PLXNA2: variants seen among roughly 807,000 people sequenced by gnomAD.
The protein encoded by PLXNA2 is plexin-A2.
Under a neutral mutation model 193.5 loss-of-function variants are expected in PLXNA2, and 91 were observed. The observed-to-expected ratio is 0.47, with a 90% confidence interval of 0.40 to 0.56. The LOEUF is 0.56. Ranked by LOEUF, PLXNA2 falls within the 20% of genes least tolerant of loss-of-function variation. The pLI is 0.00. For synonymous variants in PLXNA2, 997 were observed against 1,027.3 expected, an observed-to-expected ratio of 0.97 and a Z score of 0.56; for missense variants, 1,995 against 2,503.2, an observed-to-expected ratio of 0.80 and a Z score of 4.33.
chr1:208,060,421 G>A (rs904963254), intron 13 of PLXNA2, among the ~76,000 whole-genome samples: 12 of 152,252 alleles, frequency 7.9e-5, no homozygotes, highest in African/African-American at 1.9e-4. Context: ...TCACACTGGC[G>A]GGCAGGCAAA....
At chr1:208,040,084 G>T in intron 22 of PLXNA2, 26 bp from the exon 23 acceptor site, 1 of 1,599,782 alleles carries the variant, frequency 6.3e-7, no homozygotes, top group Non-Finnish European at 8.6e-7. Flanking sequence ...AGGGTAAGGG[G>T]CAGTCCTTCA....
At chr1:208,128,261 T>G (rs978150230) in intron 4 of PLXNA2, among the ~76,000 whole-genome samples, 14 of 152,140 alleles carry the variant, frequency 9.2e-5, no homozygotes, top group Non-Finnish European at 2.1e-4. Context: ...AGGCTAGAAA[T>G]AGATGCAACT....
At chr1:208,219,875 G>T (rs927097978) in intron 1 of PLXNA2, among the ~76,000 whole-genome samples, 1 of 152,198 alleles carries the variant, frequency 6.6e-6, no homozygotes, top group Non-Finnish European at 1.5e-5. Flanking sequence ...GGCGCACACC[G>T]GCAAAGCCTC....
Position 208,216,853 on chromosome 1 carries a change from G to A in PLXNA2, c.1070C>T (p.Ala357Val), listed in dbSNP as rs1323533167. Residue 357 changes from alanine (A) to valine (V), a missense_variant, in exon 2 of 32, where the codon GCC becomes GTC. This residue lies in a region of PLXNA2 where 702 missense variants were observed against 812.9 expected (regional missense o/e 0.86). Coordinates refer to ENST00000367033, the MANE Select transcript of PLXNA2 (RefSeq NM_025179.4). ...CAAGTTGATGGCCCGGATAGGGAAG[G>A]CACACAGGGCAGAGTCATCGGGCGG... ...HHPPDDSALCAFPIRAINLQI... is the reference protein window; with the variant it reads ...HHPPDDSALCVFPIRAINLQI... 6.2e-7 allele frequency: 1 copy of A among 1,614,100 alleles called. No homozygotes were observed. The highest frequency in any genetic ancestry group is 8.5e-7 in the Non-Finnish European group (1 of 1,180,054).
At chr1:208,101,727 C>G (rs757138042) in intron 5 of PLXNA2, among the ~76,000 whole-genome samples, 7 of 152,196 alleles carry the variant, frequency 4.6e-5, no homozygotes, top group Non-Finnish European at 1.0e-4. Context: ...AATCCCCGAT[C>G]TATAATTTTG....
chr1:208,039,518 A>C (rs1158773444), intron 24 of PLXNA2, 103 bp downstream of exon 24: 1 of 1,499,584 alleles, frequency 6.7e-7, no homozygotes, highest in African/African-American at 1.4e-5. Flanking sequence ...CCAGCCTCCC[A>C]TCCTCTTTAT....
chr1:208,043,308 G>T, intron 20 of PLXNA2, 105 bp from the exon 21 acceptor site: 1 of 1,073,770 alleles, frequency 9.3e-7, no homozygotes, highest in Non-Finnish European at 1.4e-6. Context: ...CTTTTGTAGA[G>T]ACTCTGAGGA....
intron 3 of PLXNA2, among the ~76,000 whole-genome samples, chr1:208,156,662 T>C (rs1286887043): frequency 1.3e-5 from 2 of 152,344 alleles, no homozygotes; most frequent in East Asian, 3.9e-4. Context: ...AACATCTTAC[T>C]GTCTGTCATT....
chr1:208,201,316 G>T (rs1254052748), intron 3 of PLXNA2, among the ~76,000 whole-genome samples: 1 of 152,200 alleles, frequency 6.6e-6, no homozygotes, highest in African/African-American at 2.4e-5. Flanking sequence ...AGCTACAACA[G>T]GGCAACTGAC....
chr1:208,067,675 C>CAT (rs1665842230), intron 12 of PLXNA2, among the ~76,000 whole-genome samples: 1 of 152,202 alleles, frequency 6.6e-6, no homozygotes, highest in Admixed American at 6.5e-5. Context: ...GGACCAGTCA[C>CAT]ATGCAGTACA....
At chr1:208,233,984 G>A (rs1031768691) in intron 1 of PLXNA2, among the ~76,000 whole-genome samples, 12 of 152,162 alleles carry the variant, frequency 7.9e-5, no homozygotes, top group Admixed American at 5.9e-4. Context: ...AAGAGGAGAG[G>A]TCAGTTCTCA....
In PLXNA2 at chr1:208,038,609, C is replaced by T; in HGVS notation, c.4661-135G>A. 1 of 803,666 alleles carries T rather than the reference C, an allele frequency of 1.2e-6. No homozygotes were observed. Among genetic ancestry groups the T allele is most frequent in the Non-Finnish European group, 2.1e-6 (1 of 485,072 alleles). The allele number at this position is 803,666 out of a possible 1,614,324, so 49.8% of individuals were successfully genotyped here. A position where few individuals can be genotyped will look rare whatever the true frequency, so the allele number is the denominator to read the frequency against. ...TGGTACCAATAACAGAGGCTAGAGA[C>T]ATCTAGGGCTCCATGGGCCCAGGCA... On this transcript the variant is annotated intron_variant, in intron 25 of 31. Coordinates refer to ENST00000367033, the MANE Select transcript of PLXNA2 (RefSeq NM_025179.4). This position sits in a 1 kb window ranked among gnomAD's most constrained non-coding sequence, Gnocchi z 4.1.
chr1:208,122,863 T>C (rs1001434486), intron 4 of PLXNA2, among the ~76,000 whole-genome samples: 3 of 152,176 alleles, frequency 2.0e-5, no homozygotes, highest in Admixed American at 1.3e-4. Flanking sequence ...GGTGCTGGAA[T>C]AGCCAGACAA....
intron 3 of PLXNA2, among the ~76,000 whole-genome samples, chr1:208,190,657 C>T (rs549115285): frequency 5.9e-5 from 9 of 152,230 alleles, no homozygotes; most frequent in Non-Finnish European, 1.0e-4. Context: ...CAATAGCTCT[C>T]TTTGCCCAAG....
At chr1:208,241,766 G>T (rs536882189) in intron 1 of PLXNA2, among the ~76,000 whole-genome samples, 1 of 152,188 alleles carries the variant, frequency 6.6e-6, no homozygotes, top group Non-Finnish European at 1.5e-5. Flanking sequence ...CCCTGAAGAC[G>T]ATCGGCTGCG....
chr1:208,025,377 T>C lies in PLXNA2; in HGVS notation c.*1866A>G, dbSNP rs1240679103. 6.6e-6 allele frequency: 1 copy of C among 152,352 alleles called. No homozygotes were observed. Among genetic ancestry groups the C allele is most frequent in the Non-Finnish European group, 1.5e-5 (1 of 68,154 alleles). 9.4% of individuals were successfully genotyped at this position (152,352 alleles called of 1,614,324 possible). A position where few individuals can be genotyped will look rare whatever the true frequency, so the allele number is the denominator to read the frequency against. ...GAGGTAAAGCAGGGCACGGAGAAGC[T>C]GGAGCCCAGAGTTAATAACAGAGAA... On this transcript the variant is annotated 3_prime_UTR_variant, in exon 32 of 32. Transcript: ENST00000367033.
At chr1:208,069,689 C>A (rs1051484026) in intron 12 of PLXNA2, among the ~76,000 whole-genome samples, 1 of 152,082 alleles carries the variant, frequency 6.6e-6, no homozygotes, top group East Asian at 1.9e-4. Context: ...AGGGGCTTAT[C>A]GGGGCAGAGG....
intron 12 of PLXNA2, among the ~76,000 whole-genome samples, chr1:208,070,025 G>A (rs904407010): frequency 6.6e-6 from 1 of 152,236 alleles, no homozygotes; most frequent in East Asian, 1.9e-4. Context: ...TCCACAGTGA[G>A]TGGGGCAGAG....
chr1:208,201,349 G>A (rs1236435960), intron 3 of PLXNA2, among the ~76,000 whole-genome samples: 1 of 152,230 alleles, frequency 6.6e-6, no homozygotes, highest in Non-Finnish European at 1.5e-5. Flanking sequence ...CCCACCCTGG[G>A]GAGGGGGTCA....
Sources: gnomAD v4.1 joint callset for allele counts (sites outside exome capture counted in the v4.1 genomes callset) on GRCh38, gnomAD v4.1.1 for gene constraint, gnomAD v4.1.1 regional missense constraint, Gnocchi (gnomAD v3.1) non-coding constraint, MANE v1.5 for transcripts, NCBI Gene and HGNC (gene_info 2026-07-23, HGNC 2026-07-21) for gene names.